The following HM13 variants were observed in gnomAD, a reference collection of about 807,000 sequenced individuals.
HM13 encodes the protein signal peptide peptidase.
A neutral mutation model predicts 50.0 loss-of-function variants in HM13; 18 were observed. The ratio of observed to expected loss-of-function variants is 0.36; its 90% CI spans 0.25 to 0.53. The LOEUF (loss-of-function observed/expected upper bound fraction) is 0.53, where lower values mean the gene tolerates loss of function less well. Ranked by LOEUF, HM13 falls within the 20% of genes least tolerant of loss-of-function variation. HM13 has a pLI of 0.90. For synonymous variants in HM13, 197 were observed against 232.6 expected (o/e 0.85, Z 1.39); for missense variants, 393 against 552.4 (o/e 0.71, Z 2.89).
intron 1 of HM13, among the ~76,000 whole-genome samples, chr20:31,520,593 T>G (rs894340466): frequency 6.6e-6 from 1 of 152,150 alleles, no homozygotes; most frequent in South Asian, 2.1e-4. Flanking sequence ...TGTGAGCCAC[T>G]GTGCCTGGCT....
intron 6 of HM13, 109 bp from the exon 7 acceptor site, chr20:31,549,955 A>G (rs1481226041): frequency 2.4e-6 from 2 of 821,450 alleles, no homozygotes; most frequent in Non-Finnish European, 4.3e-6. Context: ...AGCCCCTCCC[A>G]GCTCCCCTCA....
intron 1 of HM13, among the ~76,000 whole-genome samples, chr20:31,527,270 G>A (rs575558202): frequency 3.3e-5 from 5 of 152,068 alleles, no homozygotes; most frequent in Non-Finnish European, 5.9e-5. Flanking sequence ...CCCAGGAAGC[G>A]GAGGCTGTAG....
At position 31,517,662 on chromosome 20, in the gene HM13, C is replaced by T. The variant is rs536358476; in HGVS notation, c.183+2928C>T. Among the ~76,000 whole-genome samples, 8 of 152,204 alleles carry T rather than the reference C, an allele frequency of 5.3e-5. No individual in the cohort carries two copies. The East Asian group carries it at 1.5e-3, about 29-fold the overall frequency. On this transcript the variant is annotated intron_variant, in intron 1 of 12. Coordinates refer to ENST00000398174, the MANE Select transcript of HM13 (RefSeq NM_178581.3). ...CAGGAGAAGGTGGGGCAGGGGACCA[C>T]AAGATGTGTTCAGGGAGGCAGTGAA...
chr20:31,538,955 A>G lies in HM13; in HGVS notation c.365+694A>G, dbSNP rs17092263. The G allele has an allele frequency of 3.3e-3, 1,706 of 514,980 alleles. 21 individuals are homozygous for G. The highest frequency in any genetic ancestry group is 0.033 in the African/African-American group (1,590 of 48,088). 31.9% of individuals were successfully genotyped at this position (514,980 alleles called of 1,614,324 possible). A position where few individuals can be genotyped will look rare whatever the true frequency, so the allele number is the denominator to read the frequency against. On this transcript the variant is annotated intron_variant, in intron 3 of 12. Transcript: ENST00000398174. ...TTGCTTTTGCTTTCACACCTGTATGATAGTCATGGAAACTGAAGCCCAGAG... is the reference window on the plus strand; with the variant it reads ...TTGCTTTTGCTTTCACACCTGTATGGTAGTCATGGAAACTGAAGCCCAGAG...
intron 1 of HM13, among the ~76,000 whole-genome samples, chr20:31,525,759 C>CA (rs111873600): frequency 0.01 from 1,437 of 137,118 alleles, 16 homozygotes; most frequent in African/African-American, 0.036. Flanking sequence ...AAATTTATAC[C>CA]AAAAAAAAAA....
At chr20:31,523,054 CTTT>C (rs1180366650) in intron 1 of HM13, among the ~76,000 whole-genome samples, 1 of 106,982 alleles carries the variant, frequency 9.3e-6, no homozygotes. Context: ...GGGAGGGGGG[CTTT>C]TTTTTTTTTA....
Position 31,514,498 on chromosome 20 carries a change from G to A in HM13, c.-54G>A, listed in dbSNP as rs998816065. ...CCCTGCAGAGCCGGTGTCTCCGCCT[G>A]CGTCCCTGCTGCAGCAACCGGAGCT... On this transcript the variant is annotated 5_prime_UTR_variant, in exon 1 of 13. Transcript: ENST00000398174. The surrounding 1 kb of genome is among the most constrained non-coding windows in gnomAD (Gnocchi z 4.3). 3.9e-6 allele frequency: 6 copies of A among 1,558,040 alleles called. No homozygotes were observed. The highest frequency in any genetic ancestry group is 4.3e-6 in the Non-Finnish European group (5 of 1,150,222).
chr20:31,538,778 T>C (rs2122592356), intron 3 of HM13: 1 of 442,006 alleles, frequency 2.3e-6, no homozygotes, highest in East Asian at 1.5e-4. Flanking sequence ...CTGGCCTCAA[T>C]TTCCTGGTGA....
chr20:31,554,266 G>A (rs1366273467), intron 7 of HM13, among the ~76,000 whole-genome samples: 1 of 151,996 alleles, frequency 6.6e-6, no homozygotes, highest in Admixed American at 6.6e-5. Flanking sequence ...TACTCAGGAG[G>A]CAGGAGAATC....
chr20:31,547,861 G>A, intron 4 of HM13: 1 of 970,394 alleles, frequency 1.0e-6, no homozygotes, highest in South Asian at 1.3e-5. Flanking sequence ...AACTTCTCCT[G>A]GAGCTAAGCT....
At chr20:31,554,655 C>T (rs144529962) in intron 7 of HM13, 91 bp from the exon 8 acceptor site, 2 of 1,051,530 alleles carry the variant, frequency 1.9e-6, no homozygotes, top group Non-Finnish European at 2.9e-6. Flanking sequence ...GCACTCCAGC[C>T]TGGGTGACAG....
chr20:31,523,239 C>T (rs1211356730), intron 1 of HM13, among the ~76,000 whole-genome samples: 8 of 150,896 alleles, frequency 5.3e-5, no homozygotes, highest in South Asian at 2.1e-4. Context: ...TTAGTAGAGA[C>T]GGGGTTTCAC....
chr20:31,566,067 G>C, intron 10 of HM13, 143 bp from the exon 11 acceptor site: 1 of 581,294 alleles, frequency 1.7e-6, no homozygotes, highest in Non-Finnish European at 3.0e-6. Flanking sequence ...GGAGCCCTGG[G>C]TTCAGGCCCA....
In HM13 at chr20:31,550,081, G is replaced by C. The variant is rs1983952264; in HGVS notation, c.684G>C (p.Val228=). Residue 228 remains valine, a synonymous_variant, in exon 7 of 13, where the codon GTG becomes GTC. Transcript: ENST00000398174. ...CCTTCTAGGTATTTGGCACCAATGT[G>C]ATGGTGACAGTGGCCAAGTCCTTCG... is the stretch of plus-strand genomic sequence containing the variant. ...YDVFWVFGTN[V]MVTVAKSFEA... 7.4e-6 allele frequency: 12 copies of C among 1,613,362 alleles called. No individual in the cohort carries two copies. Among genetic ancestry groups the C allele is most frequent in the Non-Finnish European group, 1.0e-5 (12 of 1,179,624 alleles).
rs1982565256 is a variant in HM13, at chr20:31,527,488, C to T, written c.188C>T (p.Ala63Val). ...TGTCATTCTTCTCTCCTCTAGAATG[C>T]TTCAGACATGCCTGAAACAATCACC... ...RSVRCARGKNASDMPETITSR... is the reference protein window; with the variant it reads ...RSVRCARGKNVSDMPETITSR... Residue 63 changes from alanine to valine, a missense_variant, in exon 2 of 13, where the codon GCT (alanine) becomes GTT (valine). Ala to Val is a moderately conservative substitution (Grantham distance 64). Around this residue, in one of 3 missense-constraint regions of HM13, gnomAD observed 214 missense variants for 276.1 expected, o/e 0.77. Transcript: ENST00000398174. 1 of 1,611,142 alleles carries T rather than the reference C, an allele frequency of 6.2e-7. No individual in the cohort carries two copies. Among genetic ancestry groups the T allele is most frequent in the Non-Finnish European group, 8.5e-7 (1 of 1,177,336 alleles).
At chr20:31,523,599 T>TCCCTGTAA (rs1290695786) in intron 1 of HM13, among the ~76,000 whole-genome samples, 3 of 152,208 alleles carry the variant, frequency 2.0e-5, no homozygotes, top group African/African-American at 7.2e-5. Context: ...GAATACGTGT[T>TCCCTGTAA]CCCTGTAATA....
In HM13 at chr20:31,569,288, C is replaced by T. The variant is rs1985128445; in HGVS notation, c.*69C>T. 8.0e-6 allele frequency: 9 copies of T among 1,128,946 alleles called. No individual in the cohort carries two copies. The South Asian group carries it at 1.1e-4, about 13-fold the overall frequency. 69.9% of individuals were successfully genotyped at this position (1,128,946 alleles called of 1,614,324 possible). A position where few individuals can be genotyped will look rare whatever the true frequency, so the allele number is the denominator to read the frequency against. ...GGGGCTGGGCCCACACAGGCGTGCA[C>T]CGGTAGAGGGCACAGGAGGCCAAGG... is the stretch of plus-strand genomic sequence containing the variant. On this transcript the variant is annotated 3_prime_UTR_variant, in exon 13 of 13. Transcript: ENST00000398174.
At chr20:31,522,354 G>A (rs982069894) in intron 1 of HM13, among the ~76,000 whole-genome samples, 12 of 152,082 alleles carry the variant, frequency 7.9e-5, no homozygotes, top group Non-Finnish European at 1.3e-4. Context: ...TCTGAGGTCA[G>A]GAGTTTGAGA....
Position 31,554,738 on chromosome 20 carries a change from C to G in HM13, c.725-8C>G. ...GCTGACTCCTCACATTCCCGCCTCC[C>G]GCTTCAGTGGTGTTTCCCCAGGATC... On this transcript the variant is annotated splice_region_variant and splice_polypyrimidine_tract_variant and intron_variant, in intron 7 of 12. Transcript: ENST00000398174. The G allele has an allele frequency of 6.2e-7, 1 of 1,613,532 alleles. No homozygotes were observed. Among genetic ancestry groups the G allele is most frequent in the South Asian group, 1.1e-5 (1 of 91,050 alleles).
Sources: gnomAD v4.1 joint callset for allele counts (sites outside exome capture counted in the v4.1 genomes callset) on GRCh38, gnomAD v4.1.1 for gene constraint, gnomAD v4.1.1 regional missense constraint, Gnocchi (gnomAD v3.1) non-coding constraint, MANE v1.5 for transcripts, NCBI Gene and HGNC (gene_info 2026-07-23, HGNC 2026-07-21) for gene names.